The following EYA3 variants were observed in gnomAD, a reference collection of about 807,000 sequenced individuals.
EYA3 encodes the protein protein phosphatase EYA3.
A neutral mutation model predicts 80.0 loss-of-function variants in EYA3; 39 were observed. The observed-to-expected ratio is 0.49, with a 90% CI of 0.38 to 0.64. The LOEUF (loss-of-function observed/expected upper bound fraction) is 0.64, where lower values mean the gene tolerates loss of function less well. Ranked by LOEUF, EYA3 falls within the 30% of genes least tolerant of loss-of-function variation. EYA3 has a pLI of 0.00. For missense variants in EYA3, 523 were observed against 676.1 expected (o/e 0.77, Z 2.51); for synonymous variants, 206 against 232.8 (o/e 0.88, Z 1.05).
At chr1:27,975,063 C>G (rs759601612) in intron 17 of EYA3, among the ~76,000 whole-genome samples, 2 of 152,182 alleles carry the variant, frequency 1.3e-5, no homozygotes, top group African/African-American at 4.8e-5. Context: ...AACTGCAACA[C>G]CTAAATCTTA....
intron 16 of EYA3, among the ~76,000 whole-genome samples, chr1:27,981,172 G>A (rs931693458): frequency 5.3e-5 from 8 of 152,208 alleles, no homozygotes; most frequent in Admixed American, 5.2e-4. Flanking sequence ...CAGAGGAAGT[G>A]AAAAAGTATT....
intron 1 of EYA3, among the ~76,000 whole-genome samples, chr1:28,081,079 T>C (rs1192662368): frequency 6.6e-6 from 1 of 152,098 alleles, no homozygotes; most frequent in Non-Finnish European, 1.5e-5. Context: ...AATTGTAGTT[T>C]TATATAAGCA....
Position 28,062,874 on chromosome 1 carries a change from C to T in EYA3, c.-68-4780G>A, listed in dbSNP as rs139315208. Reference sequence around the variant, plus strand: ...AAAATTAATCTGGCGTGGTGGCACGCGCCTGTAATTCCTGCTACTCAGGAG... The same window carrying T: ...AAAATTAATCTGGCGTGGTGGCACGTGCCTGTAATTCCTGCTACTCAGGAG... On this transcript the variant is annotated intron_variant, in intron 1 of 17. Transcript: ENST00000373871. 6.4e-3 allele frequency among the ~76,000 whole-genome samples: 971 copies of T among 151,928 alleles called. 8 individuals are homozygous for T. The highest frequency in any genetic ancestry group is 0.022 in the African/African-American group (894 of 41,418).
intron 8 of EYA3, among the ~76,000 whole-genome samples, chr1:28,014,041 T>C (rs1038735241): frequency 6.6e-6 from 1 of 152,082 alleles, no homozygotes; most frequent in African/African-American, 2.4e-5. Context: ...CCAGCCTGGG[T>C]GACAAAGCGA....
At chr1:28,061,589 G>A (rs1158236503) in intron 1 of EYA3, among the ~76,000 whole-genome samples, 3 of 137,872 alleles carry the variant, frequency 2.2e-5, no homozygotes, top group Non-Finnish European at 4.9e-5. Flanking sequence ...AGAATTTAAC[G>A]TGTTTTTTTT....
At chr1:28,042,400 T>C (rs945084410) in intron 4 of EYA3, among the ~76,000 whole-genome samples, 171 bp downstream of exon 4, 6 of 152,138 alleles carry the variant, frequency 3.9e-5, no homozygotes, top group Non-Finnish European at 8.8e-5. Context: ...AGCTGGTCTG[T>C]CAATAAAGCT....
At chr1:28,063,352 CTTTTTTTT>C (rs371840536) in intron 1 of EYA3, among the ~76,000 whole-genome samples, 1 of 93,550 alleles carries the variant, frequency 1.1e-5, no homozygotes, top group African/African-American at 4.6e-5. Context: ...TAACTAAAAC[CTTTTTTTT>C]TTTTTTTTTT....
At chr1:28,035,493 T>C (rs977920644) in intron 6 of EYA3, 51 bp downstream of exon 6, 2 of 1,595,466 alleles carry the variant, frequency 1.3e-6, no homozygotes, top group Non-Finnish European at 1.7e-6. Flanking sequence ...TCAAAGTTTC[T>C]GCGGAATAAA....
At chr1:28,032,033 C>T (rs1441281284) in intron 6 of EYA3, 1 of 152,156 alleles carries the variant, frequency 6.6e-6, no homozygotes, top group African/African-American at 2.4e-5. Flanking sequence ...GTCCCCCACC[C>T]CCAGGAGGTC....
In EYA3 at chr1:28,004,430, A is replaced by G; in HGVS notation, c.910-11T>C. 6.3e-7 allele frequency: 1 copy of G among 1,587,932 alleles called. No homozygotes were observed. The highest frequency in any genetic ancestry group is 8.6e-7 in the Non-Finnish European group (1 of 1,159,350). On this transcript the variant is annotated splice_polypyrimidine_tract_variant and intron_variant, in intron 10 of 17. Coordinates refer to ENST00000373871, the MANE Select transcript of EYA3 (RefSeq NM_001990.4). ...CCACAGAAATACCCGCTGAGGAAAGAAAATATAAAAAATGAGTATATTTTC... is the reference window on the plus strand; with the variant it reads ...CCACAGAAATACCCGCTGAGGAAAGGAAATATAAAAAATGAGTATATTTTC...
chr1:28,048,913 T>C (rs1197801673), intron 2 of EYA3, among the ~76,000 whole-genome samples: 1 of 152,224 alleles, frequency 6.6e-6, no homozygotes, highest in Non-Finnish European at 1.5e-5. Flanking sequence ...ATTTTTTCTT[T>C]TCATATTTCA....
intron 1 of EYA3, among the ~76,000 whole-genome samples, chr1:28,059,945 CTGACGTCA>C (rs1002694475): frequency 3.9e-5 from 6 of 152,200 alleles, no homozygotes; most frequent in Non-Finnish European, 4.4e-5. Context: ...TCTTGAACTC[CTGACGTCA>C]GGTGATCTGC....
intron 4 of EYA3, 80 bp from the exon 5 acceptor site, chr1:28,038,985 A>G (rs770402050): frequency 5.7e-5 from 47 of 824,190 alleles, no homozygotes; most frequent in Non-Finnish European, 8.6e-5. Context: ...ATCTCACTGT[A>G]TAGTCTTTCA....
Position 28,069,537 on chromosome 1 carries a change from C to A in EYA3, c.-68-11443G>T, listed in dbSNP as rs576810003. On this transcript the variant is annotated intron_variant, in intron 1 of 17. Transcript: ENST00000373871. ...CCAGCCTGGACAACACAGCAAGAGA[C>A]CCAATCTATTTAAAAAAAAAAAAAA... 2.9e-4 allele frequency among the ~76,000 whole-genome samples: 35 copies of A among 121,362 alleles called. No homozygotes were observed. The East Asian group carries it at 8.9e-3, about 31-fold the overall frequency. The allele number at this position is 121,362 out of a possible 152,430, so 79.6% of individuals were successfully genotyped here. A position where few individuals can be genotyped will look rare whatever the true frequency, so the allele number is the denominator to read the frequency against.
intron 16 of EYA3, among the ~76,000 whole-genome samples, chr1:27,981,428 G>C (rs145469047): frequency 1.3e-5 from 2 of 152,298 alleles, no homozygotes; most frequent in East Asian, 3.9e-4. Context: ...TTTCAGATGT[G>C]GGAGGCTCAG....
chr1:27,999,816 T>C, intron 12 of EYA3, 144 bp downstream of exon 12: 1 of 499,958 alleles, frequency 2.0e-6, no homozygotes, highest in Non-Finnish European at 3.5e-6. Context: ...TCTCTAAGAC[T>C]ATGTATGTAT....
At chr1:28,008,998 T>C (rs892396682) in intron 10 of EYA3, among the ~76,000 whole-genome samples, 2 of 152,198 alleles carry the variant, frequency 1.3e-5, no homozygotes, top group Non-Finnish European at 2.9e-5. Context: ...ATAACAAGTG[T>C]TGGCGAGGAT....
At chr1:28,022,126 C>A (rs1487869247) in intron 7 of EYA3, among the ~76,000 whole-genome samples, 1 of 152,064 alleles carries the variant, frequency 6.6e-6, no homozygotes, top group African/African-American at 2.4e-5. Flanking sequence ...CTTAGTAAAT[C>A]AAAATAATAA....
chr1:28,030,778 A>G (rs949575288), intron 6 of EYA3, among the ~76,000 whole-genome samples: 12 of 152,162 alleles, frequency 7.9e-5, no homozygotes, highest in Non-Finnish European at 1.3e-4. Flanking sequence ...GATTCTTGCC[A>G]TGTCTGATTT....
Sources: allele counts gnomAD v4.1 joint callset (sites outside exome capture counted in the v4.1 genomes callset), GRCh38; gene constraint gnomAD v4.1.1; transcripts MANE v1.5; gene names NCBI Gene and HGNC (gene_info 2026-07-23, HGNC 2026-07-21).